AK9: variants seen among roughly 807,000 people sequenced by gnomAD.
AK9 encodes adenylate kinase 9.
In AK9, 191 loss-of-function variants were observed where a neutral mutation model predicts 239.6. The observed-to-expected ratio is 0.80, with a 90% CI of 0.71 to 0.90. The LOEUF (loss-of-function observed/expected upper bound fraction) is 0.90. AK9 is among the 40% of genes least tolerant of loss of function. The pLI is 0.00. For synonymous variants in AK9, 689 were observed against 721.0 expected, an observed-to-expected ratio of 0.96 and a Z score of 0.71; for missense variants, 1,995 against 2,214.7, an observed-to-expected ratio of 0.90 and a Z score of 1.99.
chr6:109,515,419 A>G (rs1562337506), intron 31 of AK9, among the ~76,000 whole-genome samples: 1 of 152,180 alleles, frequency 6.6e-6, no homozygotes. Context: ...GATCAATGCT[A>G]CGTTTGAATA....
intron 3 of AK9, among the ~76,000 whole-genome samples, chr6:109,672,527 TA>T (rs950731285): frequency 8.2e-4 from 125 of 151,872 alleles, no homozygotes; most frequent in African/African-American, 2.9e-3. Context: ...TACAAAAAGT[TA>T]AAAAATTAGC....
rs112694649 is a variant in AK9, at chr6:109,603,931, T to G, written c.1842+6434A>C. ...CTAAGACCATTGGAAAAGCGCAGTATTAGGGTTGGAGTGACCCGATTTTCC... is the reference window on the plus strand; with the variant it reads ...CTAAGACCATTGGAAAAGCGCAGTAGTAGGGTTGGAGTGACCCGATTTTCC... On this transcript the variant is annotated intron_variant, in intron 17 of 40. Coordinates refer to ENST00000424296, the MANE Select transcript of AK9 (RefSeq NM_001145128.3). 6.1e-3 allele frequency among the ~76,000 whole-genome samples: 930 copies of G among 152,316 alleles called. 14 individuals carry two copies. Among genetic ancestry groups the G allele is most frequent in the African/African-American group, 0.021 (884 of 41,576 alleles).
At chr6:109,652,365 G>A (rs1007215369) in intron 8 of AK9, among the ~76,000 whole-genome samples, 3 of 152,114 alleles carry the variant, frequency 2.0e-5, no homozygotes, top group African/African-American at 7.2e-5. Flanking sequence ...CCTTCATGCT[G>A]AAAACTCTCA....
intron 38 of AK9, among the ~76,000 whole-genome samples, chr6:109,496,106 C>G (rs1162767133): frequency 6.6e-6 from 1 of 152,182 alleles, no homozygotes; most frequent in African/African-American, 2.4e-5. Flanking sequence ...AGATTGCAAG[C>G]TACCACACAA....
At chr6:109,586,571 C>T (rs1050413977) in intron 17 of AK9, among the ~76,000 whole-genome samples, 1 of 152,080 alleles carries the variant, frequency 6.6e-6, no homozygotes, top group African/African-American at 2.4e-5. Context: ...GATAATGATG[C>T]CTGGACCACT....
intron 17 of AK9, among the ~76,000 whole-genome samples, chr6:109,592,887 T>A (rs1790477649): frequency 6.6e-6 from 1 of 152,130 alleles, no homozygotes; most frequent in South Asian, 2.1e-4. Flanking sequence ...AGTTTTCTGA[T>A]CTTCTTATAT....
chr6:109,548,569 G>GA (rs1439369530), intron 25 of AK9, among the ~76,000 whole-genome samples: 1 of 152,144 alleles, frequency 6.6e-6, no homozygotes, highest in Non-Finnish European at 1.5e-5. Context: ...AATTTGTGAG[G>GA]AAAAAATTTG....
intron 7 of AK9, among the ~76,000 whole-genome samples, chr6:109,658,737 G>C (rs1248822664): frequency 6.6e-6 from 1 of 151,356 alleles, no homozygotes; most frequent in African/African-American, 2.4e-5. Context: ...TAAAATTTTT[G>C]GATATATTCA....
At chr6:109,519,774 C>G (rs78101756) in intron 29 of AK9, among the ~76,000 whole-genome samples, 1 of 143,642 alleles carries the variant, frequency 7.0e-6, no homozygotes, top group Non-Finnish European at 1.5e-5. Context: ...CATCCTGTCT[C>G]AAAAAAAAAA....
intron 1 of AK9, among the ~76,000 whole-genome samples, chr6:109,679,169 C>A (rs1189613557): frequency 3.3e-5 from 5 of 152,146 alleles, no homozygotes; most frequent in Non-Finnish European, 5.9e-5. Flanking sequence ...CTCAGCGGAT[C>A]CCACCCCCAC....
chr6:109,544,460 C>T (rs888868503), intron 26 of AK9, among the ~76,000 whole-genome samples: 1 of 152,070 alleles, frequency 6.6e-6, no homozygotes, highest in East Asian at 1.9e-4. Context: ...TGGTTCAGCA[C>T]CATTACCCCC....
At chr6:109,565,796 T>C (rs772162906) in intron 21 of AK9, among the ~76,000 whole-genome samples, 1 of 152,142 alleles carries the variant, frequency 6.6e-6, no homozygotes, top group East Asian at 1.9e-4. Flanking sequence ...TATATACGTA[T>C]GTATATACAC....
At position 109,561,003 on chromosome 6, in the gene AK9, G is replaced by A. The variant is rs1785680432; in HGVS notation, c.2751+2594C>T. Among the ~76,000 whole-genome samples the A allele has an allele frequency of 1.3e-5, 2 of 152,004 alleles. 1 individual carries two copies. Among genetic ancestry groups the A allele is most frequent in the Admixed American group, 1.3e-4 (2 of 15,258 alleles). ...AGATAGAGTCTCACTTTGTTGCCTAGGCTGGAGTGCAATGGCATGATCTCA... is the reference window on the plus strand; with the variant it reads ...AGATAGAGTCTCACTTTGTTGCCTAAGCTGGAGTGCAATGGCATGATCTCA... On this transcript the variant is annotated intron_variant, in intron 24 of 40. Coordinates refer to ENST00000424296, the MANE Select transcript of AK9 (RefSeq NM_001145128.3).
intron 1 of AK9, among the ~76,000 whole-genome samples, chr6:109,687,448 T>C (rs1773666506): frequency 6.6e-6 from 1 of 152,130 alleles, no homozygotes; most frequent in Non-Finnish European, 1.5e-5. Context: ...ATATGCTACA[T>C]GGTATAAGAC....
intron 35 of AK9, among the ~76,000 whole-genome samples, chr6:109,505,344 C>T (rs1207671544): frequency 6.6e-6 from 1 of 152,190 alleles, no homozygotes; most frequent in African/African-American, 2.4e-5. Flanking sequence ...CCCTACAGAT[C>T]ACATCTTTGT....
chr6:109,611,336 A>T (rs950143412), intron 16 of AK9, among the ~76,000 whole-genome samples: 1 of 152,208 alleles, frequency 6.6e-6, no homozygotes, highest in Non-Finnish European at 1.5e-5. Flanking sequence ...CCATGATCTT[A>T]CTGTGCCCAT....
rs867891649 is a variant in AK9 at position 109,592,745 on chromosome 6, G to A, written c.1843-6673C>T. ...ACAGGCATGAGCCACCGTGCCCAGC[G>A]GGATTTTTTTTTATAAGTGATTAGA... On this transcript the variant is annotated intron_variant, in intron 17 of 40. Transcript: ENST00000424296. 3.3e-5 allele frequency among the ~76,000 whole-genome samples: 5 copies of A among 150,754 alleles called. No homozygotes were observed. In the South Asian group the frequency reaches 6.4e-4, roughly 19 times the overall value.
At chr6:109,525,637 A>C (rs909833738) in intron 29 of AK9, among the ~76,000 whole-genome samples, 1 of 152,240 alleles carries the variant, frequency 6.6e-6, no homozygotes, top group Non-Finnish European at 1.5e-5. Flanking sequence ...CAGAATGACT[A>C]TTATTGAAAA....
chr6:109,507,878 T>C (rs61560670), intron 33 of AK9, among the ~76,000 whole-genome samples: 3,163 of 152,332 alleles, frequency 0.021, 99 homozygotes, highest in African/African-American at 0.073. Context: ...GCGGCCATAC[T>C]TCAACCACTC....
Sources: gnomAD v4.1 joint callset for allele counts (sites outside exome capture counted in the v4.1 genomes callset) on GRCh38, gnomAD v4.1.1 for gene constraint, MANE v1.5 for transcripts, NCBI Gene and HGNC (gene_info 2026-07-23, HGNC 2026-07-21) for gene names.